The following WDR33 variants were observed in gnomAD, a reference collection of about 807,000 sequenced individuals.
WDR33 encodes WD repeat domain 33, also known as pre-mRNA 3' end processing protein WDR33.
In WDR33, 47 loss-of-function variants were observed where a neutral mutation model predicts 164.9. That is an observed-to-expected ratio of 0.29 (90% CI 0.23 to 0.36). WDR33 has a LOEUF of 0.36. Among genes scored for constraint, WDR33 ranks in the 10% least tolerant of loss-of-function variants. WDR33 has a pLI of 1.00. For missense variants in WDR33, 1,137 were observed against 1,754.1 expected (o/e 0.65, Z 6.28); for synonymous variants, 505 against 589.0 (o/e 0.86, Z 2.06).
In WDR33 at chr2:127,736,517, T is replaced by C. The variant is rs1686847706; in HGVS notation, c.725-9740A>G. On this transcript the variant is annotated intron_variant, in intron 7 of 21. Coordinates refer to ENST00000322313, the MANE Select transcript of WDR33 (RefSeq NM_018383.5). ...AAGCTCAAATGGATAAAAAGGTAGATGCACCATAAATCTGGCAGTCTCTAA... is the reference window on the plus strand; with the variant it reads ...AAGCTCAAATGGATAAAAAGGTAGACGCACCATAAATCTGGCAGTCTCTAA... The C allele has an allele frequency of 3.0e-6, 3 of 985,332 alleles. No homozygotes were observed. In the African/African-American group the frequency reaches 5.2e-5, roughly 17 times the overall value. The allele number at this position is 985,332 out of a possible 1,614,324, so 61.0% of individuals were successfully genotyped here. A position where few individuals can be genotyped will look rare whatever the true frequency, so the allele number is the denominator to read the frequency against.
At chr2:127,807,161 C>T (rs1393930871) in intron 1 of WDR33, among the ~76,000 whole-genome samples, 2 of 152,136 alleles carry the variant, frequency 1.3e-5, no homozygotes, top group African/African-American at 2.4e-5. Context: ...TGTGCCACCA[C>T]GCCCAGCTAA....
At chr2:127,778,153 T>G (rs1227821379) in intron 1 of WDR33, among the ~76,000 whole-genome samples, 1 of 151,988 alleles carries the variant, frequency 6.6e-6, no homozygotes, top group Non-Finnish European at 1.5e-5. Context: ...AAAAAATTAT[T>G]GGCTGGGTGC....
chr2:127,747,340 G>A (rs1235253570), intron 7 of WDR33, among the ~76,000 whole-genome samples: 3 of 151,624 alleles, frequency 2.0e-5, no homozygotes, highest in Non-Finnish European at 4.4e-5. Context: ...AAATATTTCT[G>A]TGTGAAATAG....
At chr2:127,740,573 A>G (rs1388550859) in intron 7 of WDR33, among the ~76,000 whole-genome samples, 3 of 152,336 alleles carry the variant, frequency 2.0e-5, no homozygotes, top group African/African-American at 2.4e-5. Flanking sequence ...GTTCAACACA[A>G]TCTTTCAATT....
At chr2:127,794,563 T>C (rs1688958662) in intron 1 of WDR33, among the ~76,000 whole-genome samples, 1 of 151,490 alleles carries the variant, frequency 6.6e-6, no homozygotes, top group Non-Finnish European at 1.5e-5. Context: ...TCAGGCACAG[T>C]AGCTCATGCC....
rs1407729909 is a variant in WDR33 at position 127,709,780 on chromosome 2, C to A, written c.3385G>T (p.Asp1129Tyr). The change falls in exon 19 of 22, where the codon GAC (aspartate) becomes TAC (tyrosine). Residue 1129 changes from aspartate (D) to tyrosine (Y), a missense_variant. Coordinates refer to ENST00000322313, the MANE Select transcript of WDR33 (RefSeq NM_018383.5). This position sits in a 1 kb window ranked among gnomAD's most constrained non-coding sequence, Gnocchi z 5.0. ...RGRDGFPGPE[D>Y]FGPEENFDAS... ...TCAAAATTCTCCTCTGGACCAAAGT[C>A]TTCAGGACCAGGAAAACCATCCCTT... 6.2e-7 allele frequency: 1 copy of A among 1,614,208 alleles called. No homozygotes were observed. Among genetic ancestry groups the A allele is most frequent in the Non-Finnish European group, 8.5e-7 (1 of 1,180,052 alleles).
At chr2:127,742,522 C>CAAA (rs66766896) in intron 7 of WDR33, among the ~76,000 whole-genome samples, 1,942 of 79,176 alleles carry the variant, frequency 0.025, 77 homozygotes, top group African/African-American at 0.091. Context: ...GACCCTGTCT[C>CAAA]AAAAAAAAAA....
chr2:127,734,775 C>G (rs1367511290), intron 7 of WDR33, among the ~76,000 whole-genome samples: 1 of 152,076 alleles, frequency 6.6e-6, no homozygotes, highest in Non-Finnish European at 1.5e-5. Context: ...TCTTCTGGAT[C>G]AAGATTGAAA....
intron 7 of WDR33, among the ~76,000 whole-genome samples, chr2:127,758,662 A>G (rs906303711): frequency 3.9e-5 from 6 of 152,202 alleles, no homozygotes; most frequent in Admixed American, 3.9e-4. Context: ...GGAGAAAATT[A>G]AAAATAAAAT....
chr2:127,719,789 G>T lies in WDR33; in HGVS notation c.2236C>A (p.Pro746Thr). 6.2e-7 allele frequency: 1 copy of T among 1,613,762 alleles called. No individual in the cohort carries two copies. Among genetic ancestry groups the T allele is most frequent in the South Asian group, 1.1e-5 (1 of 91,062 alleles). ...TGAGGAGGCCCTTGCATTCCTCTGG[G>T]ACCAGGTGGTCCCTGCATACCTTGA... Reference protein sequence around the residue: ...GTQGMQGPPGPRGMQGPPHPH... With the variant: ...GTQGMQGPPGTRGMQGPPHPH... The change falls in exon 16 of 22, where the codon CCC (proline) becomes ACC (threonine). Residue 746 changes from proline to threonine, a missense_variant. Physicochemically the swap from Pro to Thr is conservative, Grantham distance 38. Around this residue, in one of 9 missense-constraint regions of WDR33, gnomAD observed 867 missense variants for 1,073.0 expected, o/e 0.81. Transcript: ENST00000322313. The surrounding 1 kb of genome is among the most constrained non-coding windows in gnomAD (Gnocchi z 6.5).
chr2:127,794,828 C>A (rs1468612862), intron 1 of WDR33, among the ~76,000 whole-genome samples: 3 of 114,542 alleles, frequency 2.6e-5, no homozygotes, highest in Non-Finnish European at 5.1e-5. Context: ...AGCGAGACTC[C>A]GTTTCAAAAA....
At position 127,762,968 on chromosome 2, in the gene WDR33, T is replaced by G. The variant is rs572594990; in HGVS notation, c.724+94A>C. Reference sequence around the variant, plus strand: ...GTGTGTATATGTAAAAAAAATTGAATGGAGGTGTAAGCCAGTATTGTGGTT... The same window carrying G: ...GTGTGTATATGTAAAAAAAATTGAAGGGAGGTGTAAGCCAGTATTGTGGTT... On this transcript the variant is annotated intron_variant, in intron 7 of 21. Transcript: ENST00000322313. 18 of 1,575,606 alleles carry G rather than the reference T, an allele frequency of 1.1e-5. No homozygotes were observed. In the African/African-American group the frequency reaches 2.4e-4, roughly 21 times the overall value.
At chr2:127,800,235 C>G (rs962236595) in intron 1 of WDR33, among the ~76,000 whole-genome samples, 2 of 152,122 alleles carry the variant, frequency 1.3e-5, no homozygotes, top group African/African-American at 4.8e-5. Context: ...TAATAATAAT[C>G]AAAAAGTGAA....
chr2:127,724,006 A>T lies in WDR33; in HGVS notation c.1196+327T>A, dbSNP rs1686504011. Among the ~76,000 whole-genome samples the T allele has an allele frequency of 6.6e-6, 1 of 152,100 alleles. No homozygotes were observed. On this transcript the variant is annotated intron_variant, in intron 11 of 21. Transcript: ENST00000322313. The surrounding 1 kb of genome is among the most constrained non-coding windows in gnomAD (Gnocchi z 4.8). ...GTAGGAGGATCACCTGAGCCCAGGA[A>T]GGTTGAGGCTATAGTGAGCTGAGAC... is the stretch of plus-strand genomic sequence containing the variant.
At chr2:127,788,528 C>G (rs1297184729) in intron 1 of WDR33, among the ~76,000 whole-genome samples, 1 of 120,740 alleles carries the variant, frequency 8.3e-6, no homozygotes, top group African/African-American at 3.4e-5. Context: ...GGGGGCTGAC[C>G]CCCCCATCTC....
rs897037553 is a variant in WDR33, at chr2:127,713,426, CT to C, written c.3308+156del. Among the ~76,000 whole-genome samples, 10 of 152,312 alleles carry C rather than the reference CT, an allele frequency of 6.6e-5. No homozygotes were observed. Among genetic ancestry groups the C allele is most frequent in the Middle Eastern group, 3.4e-3 (1 of 294 alleles). ...AACAAGACTAAGGTTAAAAAGCACA[CT>C]TTTTTTAAACGTCCAAATGCAAACT... On this transcript the variant is annotated intron_variant, in intron 18 of 21. Transcript: ENST00000322313. This position sits in a 1 kb window ranked among gnomAD's most constrained non-coding sequence, Gnocchi z 6.2.
intron 1 of WDR33, among the ~76,000 whole-genome samples, chr2:127,780,408 T>C (rs1472012576): frequency 6.6e-6 from 1 of 152,196 alleles, no homozygotes; most frequent in Non-Finnish European, 1.5e-5. Context: ...CATTGAACTT[T>C]GAGGGGATCT....
chr2:127,719,256 GAAT>G lies in WDR33; in HGVS notation c.2760+6_2760+8del, dbSNP rs756100824. On this transcript the variant is annotated splice_donor_region_variant and intron_variant, in intron 16 of 21. Coordinates refer to ENST00000322313, the MANE Select transcript of WDR33 (RefSeq NM_018383.5). This position sits in a 1 kb window ranked among gnomAD's most constrained non-coding sequence, Gnocchi z 6.5. The stretch of plus-strand genomic sequence containing the variant: ...CCCAATGTGCCCGTGAGTTGGAAAT[GAAT>G]AATACCTGGTTGAAGGGGGCCCGGG... 4.2e-6 allele frequency: 6 copies of G among 1,420,062 alleles called. No homozygotes were observed. Among genetic ancestry groups the G allele is most frequent in the Non-Finnish European group, 5.5e-6 (6 of 1,087,252 alleles). 88.0% of individuals were successfully genotyped at this position (1,420,062 alleles called of 1,614,324 possible).
rs201256336 is a variant in WDR33 at position 127,713,611 on chromosome 2, G to C, written c.3280C>G (p.Pro1094Ala). Residue 1094 changes from proline (P) to alanine (A), a missense_variant, in exon 18 of 22, where the codon CCA (proline) becomes GCA (alanine). Physicochemically the swap from Pro to Ala is conservative, Grantham distance 27. Transcript: ENST00000322313. This position sits in a 1 kb window ranked among gnomAD's most constrained non-coding sequence, Gnocchi z 6.2. ...TCTTCTCTGCGCCCTCGAAAACGTG[G>C]GTCCTCGGGATCCCGGGGGAAACGT... Reference protein sequence around the residue: ...DERFPRDPEDPRFRGRREESF... With the variant: ...DERFPRDPEDARFRGRREESF... 8 of 1,614,252 alleles carry C rather than the reference G, an allele frequency of 5.0e-6. No individual in the cohort carries two copies. The highest frequency in any genetic ancestry group is 6.8e-6 in the Non-Finnish European group (8 of 1,180,048).
Sources: gnomAD v4.1 joint callset for allele counts (sites outside exome capture counted in the v4.1 genomes callset) on GRCh38, gnomAD v4.1.1 for gene constraint, gnomAD v4.1.1 regional missense constraint, Gnocchi (gnomAD v3.1) non-coding constraint, MANE v1.5 for transcripts, NCBI Gene and HGNC (gene_info 2026-07-23, HGNC 2026-07-21) for gene names.